The following HDAC4 variants were observed in gnomAD, a reference collection of about 807,000 sequenced individuals.
HDAC4 encodes histone deacetylase 4.
HDAC4 carries 16 observed loss-of-function variants against 135.1 expected under a neutral mutation model. The observed-to-expected ratio is 0.12, with a 90% confidence interval of 0.08 to 0.18. The LOEUF is 0.18. HDAC4 is among the 10% of genes least tolerant of loss of function. The probability of loss-of-function intolerance (pLI) is 1.00; values close to 1 mark genes in which losing one functional copy is unlikely to be tolerated. For synonymous variants in HDAC4, 685 were observed against 653.4 expected (o/e 1.05, Z -0.74); for missense variants, 1,143 against 1,511.8 (o/e 0.76, Z 4.05).
intron 2 of HDAC4, among the ~76,000 whole-genome samples, chr2:239,263,744 G>T (rs1222221559): frequency 6.6e-6 from 1 of 152,216 alleles, no homozygotes; most frequent in East Asian, 1.9e-4. Flanking sequence ...AGACACGGGG[G>T]CACCGACGGG....
At position 239,139,779 on chromosome 2, in the gene HDAC4, C is replaced by A. The variant is rs771056077; in HGVS notation, c.883G>T (p.Ala295Ser). ...LDVTDSACSS[A>S]PGSGPSSPNN... ...GGTGAGCTGGGTCCGGAGCCTGGGGCGCTGCTGCACGCGGAGTCTGCGGAG... is the reference window on the plus strand; with the variant it reads ...GGTGAGCTGGGTCCGGAGCCTGGGGAGCTGCTGCACGCGGAGTCTGCGGAG... Residue 295 changes from alanine to serine, a missense_variant, in exon 9 of 27, where the codon GCC becomes TCC. By Grantham distance (99) the Ala-to-Ser change is moderately conservative. This residue lies in a region of HDAC4 where 272 missense variants were observed against 309.7 expected (regional missense o/e 0.88). Transcript: ENST00000543185. The surrounding 1 kb of genome is among the most constrained non-coding windows in gnomAD (Gnocchi z 5.3). 1 of 1,613,966 alleles carries A rather than the reference C, an allele frequency of 6.2e-7. No homozygotes were observed. Among genetic ancestry groups the A allele is most frequent in the Non-Finnish European group, 8.5e-7 (1 of 1,179,960 alleles).
intron 1 of HDAC4, among the ~76,000 whole-genome samples, chr2:239,366,351 C>A (rs1269726352): frequency 6.6e-6 from 1 of 152,230 alleles, no homozygotes; most frequent in Admixed American, 6.5e-5. Flanking sequence ...TGTCCGTTAG[C>A]AGCAACAGAG....
At chr2:239,188,565 GC>G (rs1462066856) in intron 4 of HDAC4, among the ~76,000 whole-genome samples, 1 of 152,234 alleles carries the variant, frequency 6.6e-6, no homozygotes, top group African/African-American at 2.4e-5. Context: ...ACGGTCATAG[GC>G]TTTTGATGCC....
chr2:239,208,184 G>C (rs1321476867), intron 3 of HDAC4, among the ~76,000 whole-genome samples: 1 of 151,296 alleles, frequency 6.6e-6, no homozygotes, highest in Non-Finnish European at 1.5e-5. Context: ...AAAAATAGCC[G>C]GGTGCGGTCG....
Position 239,151,657 on chromosome 2 carries a change from C to T in HDAC4, c.733+4995G>A, listed in dbSNP as rs138451103. On this transcript the variant is annotated intron_variant, in intron 7 of 26. Coordinates refer to ENST00000543185, the MANE Select transcript of HDAC4 (RefSeq NM_001378414.1). Reference sequence around the variant, plus strand: ...AATTCGGTCCCTAGGACCAGCCCAGCCTCCTCCCAATTCACACCCAACTGT... The same window carrying T: ...AATTCGGTCCCTAGGACCAGCCCAGTCTCCTCCCAATTCACACCCAACTGT... 2.6e-3 allele frequency among the ~76,000 whole-genome samples: 402 copies of T among 152,348 alleles called. 3 individuals carry two copies. The highest frequency in any genetic ancestry group is 9.9e-3 in the South Asian group (48 of 4,830).
At chr2:239,072,243 T>TA (rs2152631575) in intron 22 of HDAC4, among the ~76,000 whole-genome samples, 1 of 152,376 alleles carries the variant, frequency 6.6e-6, no homozygotes, top group African/African-American at 2.4e-5. Context: ...TATAACACGT[T>TA]AGTGCGAATT....
At chr2:239,080,960 GCTCCTCC>G in intron 22 of HDAC4, 128 bp downstream of exon 22, 3 of 648,102 alleles carry the variant, frequency 4.6e-6, no homozygotes, top group Non-Finnish European at 8.1e-6. Context: ...AACTGAGACA[GCTCCTCC>G]GGACCCCACA....
At chr2:239,113,411 C>G (rs931169109) in intron 13 of HDAC4, among the ~76,000 whole-genome samples, 2 of 152,220 alleles carry the variant, frequency 1.3e-5, no homozygotes, top group Admixed American at 6.5e-5. Flanking sequence ...GTGGGCCCCA[C>G]GCGGTTAAGT....
chr2:239,081,316 T>C (rs1347640889), intron 21 of HDAC4, 124 bp from the exon 22 acceptor site: 8 of 764,838 alleles, frequency 1.0e-5, no homozygotes, highest in Non-Finnish European at 1.8e-5. Flanking sequence ...AGAGCCCACG[T>C]GTCCTGATCT....
Position 239,163,957 on chromosome 2 carries a change from T to C in HDAC4, c.491-34A>G, listed in dbSNP as rs748755271. On this transcript the variant is annotated intron_variant, in intron 5 of 26. Coordinates refer to ENST00000543185, the MANE Select transcript of HDAC4 (RefSeq NM_001378414.1). ...GGAGAAAGCATAGCAGGGGGTGAAG[T>C]GTGGCTCTGCCCTACAGCAGCAATG... The C allele has an allele frequency of 3.7e-6, 6 of 1,613,494 alleles. No individual in the cohort carries two copies. The South Asian group carries it at 5.5e-5, about 15-fold the overall frequency.
intron 3 of HDAC4, among the ~76,000 whole-genome samples, chr2:239,219,541 C>A (rs2153118431): frequency 6.6e-6 from 1 of 152,084 alleles, no homozygotes; most frequent in Non-Finnish European, 1.5e-5. Context: ...ATGGGTGCAG[C>A]ACACCAGCAT....
At position 239,126,605 on chromosome 2, in the gene HDAC4, G is replaced by A. The variant is rs760502899; in HGVS notation, c.1384C>T (p.Arg462Trp). The change falls in exon 12 of 27, where the codon CGG becomes TGG. Residue 462 changes from arginine (R) to tryptophan (W), a missense_variant. Physicochemically the swap from Arg to Trp is moderately radical, Grantham distance 101. Transcript: ENST00000543185. Reference sequence around the variant, plus strand: ...GTCCGCCCCAGTGGGCGGTGCTGCCGCAGCTTGTGGATGGAGGGGGACACC... The same window carrying A: ...GTCCGCCCCAGTGGGCGGTGCTGCCACAGCTTGTGGATGGAGGGGGACACC... ...DRVSPSIHKL[R>W]QHRPLGRTQS... 1.1e-5 allele frequency: 17 copies of A among 1,613,808 alleles called. No individual in the cohort carries two copies. The African/African-American group carries it at 1.3e-4, about 13-fold the overall frequency.
intron 2 of HDAC4, among the ~76,000 whole-genome samples, chr2:239,334,859 T>TA (rs886786099): frequency 1.3e-5 from 2 of 151,464 alleles, no homozygotes; most frequent in Non-Finnish European, 2.9e-5. Context: ...CCCCCTCTAC[T>TA]AAAAAATACA....
At chr2:239,277,461 G>A (rs1474975377) in intron 2 of HDAC4, among the ~76,000 whole-genome samples, 1 of 152,212 alleles carries the variant, frequency 6.6e-6, no homozygotes, top group African/African-American at 2.4e-5. Context: ...CGGTCAGCAG[G>A]AAGGAACATG....
In HDAC4 at chr2:239,331,933, G is replaced by A. The variant is rs1038815588; in HGVS notation, c.22+20745C>T. Among the ~76,000 whole-genome samples, 7 of 152,144 alleles carry A rather than the reference G, an allele frequency of 4.6e-5. No individual in the cohort carries two copies. Among genetic ancestry groups the A allele is most frequent in the Non-Finnish European group, 7.3e-5 (5 of 68,028 alleles). ...CCCGTGCCAGGAGTGAGGGCAACAC[G>A]GACCTGACCAGTCCTCACAGAATCC... On this transcript the variant is annotated intron_variant, in intron 2 of 26. Coordinates refer to ENST00000543185, the MANE Select transcript of HDAC4 (RefSeq NM_001378414.1). The surrounding 1 kb of genome is among the most constrained non-coding windows in gnomAD (Gnocchi z 4.5).
intron 5 of HDAC4, among the ~76,000 whole-genome samples, chr2:239,172,435 T>C (rs986585248): frequency 6.6e-6 from 1 of 151,948 alleles, no homozygotes; most frequent in Non-Finnish European, 1.5e-5. Flanking sequence ...ACATTAAATG[T>C]AAATGGGCCA....
At chr2:239,287,618 G>A (rs1559330403) in intron 2 of HDAC4, among the ~76,000 whole-genome samples, 1 of 152,224 alleles carries the variant, frequency 6.6e-6, no homozygotes, top group Non-Finnish European at 1.5e-5. Context: ...TCGGGAGAGA[G>A]AGAACACTGG....
chr2:239,239,900 G>A (rs1245168946), intron 2 of HDAC4, among the ~76,000 whole-genome samples: 1 of 152,236 alleles, frequency 6.6e-6, no homozygotes, highest in Non-Finnish European at 1.5e-5. Flanking sequence ...TGGAGGCGGC[G>A]GCACAGACAT....
intron 1 of HDAC4, among the ~76,000 whole-genome samples, chr2:239,386,439 C>A (rs1303105029): frequency 6.6e-6 from 1 of 152,136 alleles, no homozygotes; most frequent in Non-Finnish European, 1.5e-5. Context: ...AACCACCTTC[C>A]CAAGAGGAGC....
Sources: allele counts gnomAD v4.1 joint callset (sites outside exome capture counted in the v4.1 genomes callset), GRCh38; gene constraint gnomAD v4.1.1; regional missense constraint gnomAD v4.1.1; non-coding constraint Gnocchi (gnomAD v3.1); transcripts MANE v1.5; gene names NCBI Gene and HGNC (gene_info 2026-07-23, HGNC 2026-07-21).